The following ITGA3 variants were observed in gnomAD, a reference collection of about 807,000 sequenced individuals.
ITGA3 encodes integrin alpha-3.
A neutral mutation model predicts 131.1 loss-of-function variants in ITGA3; 70 were observed. The ratio of observed to expected loss-of-function variants is 0.53; its 90% CI spans 0.44 to 0.65. The LOEUF is 0.65. ITGA3 is among the 30% of genes least tolerant of loss of function. The pLI is 0.00. For missense variants in ITGA3, 1,098 were observed against 1,388.6 expected (o/e 0.79, Z 3.33); for synonymous variants, 537 against 571.6 (o/e 0.94, Z 0.86).
At chr17:50,077,324 G>A in intron 15 of ITGA3, 55 bp from the exon 16 acceptor site, 1 of 1,494,930 alleles carries the variant, frequency 6.7e-7, no homozygotes, top group Non-Finnish European at 9.3e-7. Flanking sequence ...CACAGAGGAG[G>A]GAGGACAAGC....
At chr17:50,070,644 C>CA (rs59600840) in intron 4 of ITGA3, among the ~76,000 whole-genome samples, 200 bp from the exon 5 acceptor site, 27,306 of 68,142 alleles carry the variant, frequency 0.4, 6,354 homozygotes, top group Non-Finnish European at 0.53. Flanking sequence ...AAGACTGTCT[C>CA]AAAAAAAAAA....
intron 23 of ITGA3, among the ~76,000 whole-genome samples, chr17:50,085,712 T>C (rs1175297685): frequency 1.4e-5 from 2 of 138,316 alleles, no homozygotes; most frequent in Non-Finnish European, 3.2e-5. Flanking sequence ...GATTATACAT[T>C]ATAGATTTAT....
At position 50,079,466 on chromosome 17, in the gene ITGA3, G is replaced by A. The variant is rs181516352; in HGVS notation, c.2615G>A (p.Arg872His). Residue 872 changes from arginine (R) to histidine (H), a missense_variant, in exon 21 of 26, where the codon CGC becomes CAC. By Grantham distance (29) the Arg-to-His change is conservative. Transcript: ENST00000320031. ...DPGDRPSSPQ[R>H]RRRQLDPGGG... ...GGGGACAGGCCATCATCCCCACAGC[G>A]CAGGCGGCGACAGCTGGATCCAGGG... 28 of 1,577,822 alleles carry A rather than the reference G, an allele frequency of 1.8e-5. No homozygotes were observed. Among genetic ancestry groups the A allele is most frequent in the East Asian group, 6.7e-5 (3 of 44,520 alleles).
chr17:50,077,158 G>T (rs1159722264), intron 15 of ITGA3, 37 bp downstream of exon 15: 3 of 1,507,918 alleles, frequency 2.0e-6, no homozygotes, highest in Non-Finnish European at 2.7e-6. Flanking sequence ...CCCAAGCAGG[G>T]CTCCCCGCGT....
chr17:50,076,764 T>C, intron 14 of ITGA3, 83 bp downstream of exon 14: 1 of 1,305,860 alleles, frequency 7.7e-7, no homozygotes, highest in South Asian at 1.2e-5. Context: ...CGGGGCCTCA[T>C]GGCAAGGCGA....
intron 21 of ITGA3, among the ~76,000 whole-genome samples, chr17:50,079,896 G>T (rs549764440): frequency 9.8e-5 from 15 of 152,338 alleles, no homozygotes; most frequent in African/African-American, 3.4e-4. Flanking sequence ...CCCTCTGCAG[G>T]AAAGGAGAGG....
chr17:50,078,761 C>G (rs1221996284), intron 18 of ITGA3, 63 bp from the exon 19 acceptor site: 2 of 942,406 alleles, frequency 2.1e-6, no homozygotes, highest in Admixed American at 3.8e-5. Context: ...TTGGTGCCCA[C>G]CCCCCTCTGC....
In ITGA3 at chr17:50,071,444, G is replaced by A. The variant is rs764721144; in HGVS notation, c.885G>A (p.Arg295=). The change falls in exon 6 of 26, where the codon AGG becomes AGA. Residue 295 remains arginine, a synonymous_variant. Coordinates refer to ENST00000320031, the MANE Select transcript of ITGA3 (RefSeq NM_002204.4). The stretch of plus-strand genomic sequence containing the variant: ...AGGCAGGCGGAGACCTGCGGAGGAG[G>A]CAGGTGCTGGAGGGCTCGCAGGTGG... ...SQEAGGDLRR[R]QVLEGSQVGA... is the part of the protein sequence containing the mutation. 8 of 1,613,918 alleles carry A rather than the reference G, an allele frequency of 5.0e-6. No homozygotes were observed. In the Admixed American group the frequency reaches 5.0e-5, roughly 10 times the overall value.
chr17:50,073,522 T>C (rs1038125793), intron 7 of ITGA3, among the ~76,000 whole-genome samples: 2 of 151,338 alleles, frequency 1.3e-5, no homozygotes, highest in African/African-American at 4.9e-5. Context: ...GTCCAGGAGG[T>C]TGAGGCTGCA....
chr17:50,079,321 C>T, intron 20 of ITGA3, 63 bp downstream of exon 20: 1 of 1,564,464 alleles, frequency 6.4e-7, no homozygotes, highest in Non-Finnish European at 8.7e-7. Context: ...AGTGTCTTCC[C>T]CTCCCTCCCC....
Position 50,089,560 on chromosome 17 carries a change from G to A in ITGA3, c.*482G>A, listed in dbSNP as rs192690149. 1.2e-3 allele frequency: 425 copies of A among 364,316 alleles called. 1 individual carries two copies. The highest frequency in any genetic ancestry group is 7.7e-3 in the African/African-American group (376 of 49,108). The allele number at this position is 364,316 out of a possible 1,614,324, so 22.6% of individuals were successfully genotyped here. ...TGCATCACGGATGGTGCATGGGCTC[G>A]CCGTGTCTCAGCCTCTGCCAGCGCC... On this transcript the variant is annotated 3_prime_UTR_variant, in exon 26 of 26. Transcript: ENST00000320031.
chr17:50,064,055 C>G lies in ITGA3; in HGVS notation c.207-22C>G. The stretch of plus-strand genomic sequence containing the variant: ...GGGCTTGGGGAGTCTGAACCCGGAC[C>G]CACCTCCGTCCCTATCCCCAGGCTC... On this transcript the variant is annotated intron_variant, in intron 1 of 25. Transcript: ENST00000320031. The surrounding 1 kb of genome is among the most constrained non-coding windows in gnomAD (Gnocchi z 4.4). 1 of 1,611,156 alleles carries G rather than the reference C, an allele frequency of 6.2e-7. No individual in the cohort carries two copies. The highest frequency in any genetic ancestry group is 2.2e-5 in the East Asian group (1 of 44,816).
rs1340481129 is a variant in ITGA3, at chr17:50,089,116, T to G, written c.*38T>G. The G allele has an allele frequency of 1.2e-6, 2 of 1,612,762 alleles. No homozygotes were observed. Among genetic ancestry groups the G allele is most frequent in the Admixed American group, 3.3e-5 (2 of 59,982 alleles). On this transcript the variant is annotated 3_prime_UTR_variant, in exon 26 of 26. Coordinates refer to ENST00000320031, the MANE Select transcript of ITGA3 (RefSeq NM_002204.4). ...CTTCTCCCTCCAACTCCAGTGTGAC[T>G]TCTTTAAGCGGACCCGCTATTATCA...
Position 50,064,641 on chromosome 17 carries a change from C to G in ITGA3, c.414+34C>G. 6.4e-7 allele frequency: 1 copy of G among 1,560,328 alleles called. No homozygotes were observed. Among genetic ancestry groups the G allele is most frequent in the Non-Finnish European group, 8.8e-7 (1 of 1,141,894 alleles). Reference sequence around the variant, plus strand: ...GTGCTCAGTGTTGGCTCCTCCACCTCTACCCGGCTCTCCCCTCATCTCCAG... The same window carrying G: ...GTGCTCAGTGTTGGCTCCTCCACCTGTACCCGGCTCTCCCCTCATCTCCAG... On this transcript the variant is annotated intron_variant, in intron 3 of 25. Coordinates refer to ENST00000320031, the MANE Select transcript of ITGA3 (RefSeq NM_002204.4). This position sits in a 1 kb window ranked among gnomAD's most constrained non-coding sequence, Gnocchi z 4.4.
At chr17:50,079,625 G>A (rs1261329963) in intron 21 of ITGA3, 68 bp downstream of exon 21, 23 of 1,436,216 alleles carry the variant, frequency 1.6e-5, no homozygotes, top group Non-Finnish European at 1.2e-5. Context: ...GGCACCAGGG[G>A]CACACAAAGC....
At position 50,078,340 on chromosome 17, in the gene ITGA3, C is replaced by A. The variant is rs183493979; in HGVS notation, c.2297+56C>A. 2.2e-5 allele frequency: 32 copies of A among 1,454,136 alleles called. No homozygotes were observed. The Admixed American group carries it at 3.1e-4, about 14-fold the overall frequency. 90.1% of individuals were successfully genotyped at this position (1,454,136 alleles called of 1,614,324 possible). On this transcript the variant is annotated intron_variant, in intron 18 of 25. Coordinates refer to ENST00000320031, the MANE Select transcript of ITGA3 (RefSeq NM_002204.4). ...AGCCTGCTGTGCCTAAGCTAGGGTT[C>A]CCTATCCCCAAGCTATCTCCCAAAC...
intron 15 of ITGA3, 92 bp downstream of exon 15, chr17:50,077,213 C>A: frequency 7.3e-7 from 1 of 1,365,470 alleles, no homozygotes; most frequent in Non-Finnish European, 1.0e-6. Flanking sequence ...TTGTCGTCTG[C>A]CACGTGCCCA....
rs978718767 is a variant in ITGA3 at position 50,090,262 on chromosome 17, G to C, written c.*1184G>C. The stretch of plus-strand genomic sequence containing the variant: ...TAGCTATCCTTGGCTTTCAGAGCCA[G>C]CCTGGCTCTGCCCCCTCCCCCATGG... On this transcript the variant is annotated 3_prime_UTR_variant, in exon 26 of 26. Coordinates refer to ENST00000320031, the MANE Select transcript of ITGA3 (RefSeq NM_002204.4). 4.4e-6 allele frequency: 2 copies of C among 456,536 alleles called. No individual in the cohort carries two copies. The highest frequency in any genetic ancestry group is 8.8e-6 in the Non-Finnish European group (2 of 226,928). 28.3% of individuals were successfully genotyped at this position (456,536 alleles called of 1,614,324 possible).
rs1282117336 is a variant in ITGA3 at position 50,072,200 on chromosome 17, T to G, written c.1156+18T>G. 2 of 1,600,274 alleles carry G rather than the reference T, an allele frequency of 1.2e-6. No individual in the cohort carries two copies. The highest frequency in any genetic ancestry group is 4.5e-5 in the East Asian group (2 of 44,748). On this transcript the variant is annotated intron_variant, in intron 7 of 25. Transcript: ENST00000320031. ...ATTTCAGGGTATGAGCCAGCACTCCTCCCCCAGCACCCCTCCTCCAGCACC... is the reference window on the plus strand; with the variant it reads ...ATTTCAGGGTATGAGCCAGCACTCCGCCCCCAGCACCCCTCCTCCAGCACC...
Sources: allele counts gnomAD v4.1 joint callset (sites outside exome capture counted in the v4.1 genomes callset), GRCh38; gene constraint gnomAD v4.1.1; non-coding constraint Gnocchi (gnomAD v3.1); transcripts MANE v1.5; gene names NCBI Gene and HGNC (gene_info 2026-07-23, HGNC 2026-07-21).